Variants in PLEKHH1 observed in about 807,000 individuals in gnomAD.
PLEKHH1 encodes the protein pleckstrin homology, MyTH4 and FERM domain containing H1, also known as pleckstrin homology domain-containing family H member 1.
In PLEKHH1, 104 loss-of-function variants were observed where a neutral mutation model predicts 160.0. That is an observed-to-expected ratio of 0.65 (90% confidence interval 0.55 to 0.76). The LOEUF (loss-of-function observed/expected upper bound fraction) is 0.76. Among genes scored for constraint, PLEKHH1 ranks in the 30% least tolerant of loss-of-function variants. The pLI, the probability that PLEKHH1 is intolerant of heterozygous loss-of-function variation, is 0.00. For synonymous variants in PLEKHH1, 619 were observed against 678.4 expected (o/e 0.91, Z 1.36); for missense variants, 1,427 against 1,724.1 (o/e 0.83, Z 3.05).
intron 1 of PLEKHH1, among the ~76,000 whole-genome samples, chr14:67,536,474 T>C (rs904416826): frequency 1.3e-5 from 2 of 151,790 alleles, no homozygotes; most frequent in African/African-American, 4.9e-5. Context: ...TGAGGCAATA[T>C]GAGAGAGCCC....
intron 5 of PLEKHH1, among the ~76,000 whole-genome samples, chr14:67,560,079 T>C (rs527929183): frequency 5.0e-4 from 76 of 152,230 alleles, no homozygotes; most frequent in African/African-American, 1.7e-3. Context: ...CAGGCTGGAG[T>C]GTAGTGGCGC....
Position 67,582,652 on chromosome 14 carries a change from GAA to G in PLEKHH1, c.3426+449_3426+450del, listed in dbSNP as rs5809355. 1.3e-5 allele frequency among the ~76,000 whole-genome samples: 2 copies of G among 151,356 alleles called. No individual in the cohort carries two copies. Among genetic ancestry groups the G allele is most frequent in the Non-Finnish European group, 2.9e-5 (2 of 67,970 alleles). On this transcript the variant is annotated intron_variant, in intron 24 of 28. Transcript: ENST00000329153. This position sits in a 1 kb window ranked among gnomAD's most constrained non-coding sequence, Gnocchi z 5.0. ...TGACCAGTGAAACCCTGTCTCTACT[GAA>G]AAAAAATAAAATAAAATAAAATAAA... is the stretch of plus-strand genomic sequence containing the variant.
chr14:67,534,068 C>T (rs2033593838), intron 1 of PLEKHH1, among the ~76,000 whole-genome samples: 1 of 152,138 alleles, frequency 6.6e-6, no homozygotes, highest in South Asian at 2.1e-4. Flanking sequence ...TCTTCCAAGA[C>T]AGAGCCTTGG....
Position 67,562,708 on chromosome 14 carries a change from T to A in PLEKHH1, c.1077T>A (p.Ser359=). 6.2e-7 allele frequency: 1 copy of A among 1,613,050 alleles called. No homozygotes were observed. Among genetic ancestry groups the A allele is most frequent in the Non-Finnish European group, 8.5e-7 (1 of 1,179,554 alleles). ...AGGCCTTCTCAGCCCTCCACCCCTC[T>A]GGCCTTCCTGAGCTGGAGTCCCGAG... ...ETEAFSALHP[S]GLPELESRAR... Residue 359 remains serine, a synonymous_variant, in exon 7 of 29, where the codon TCT becomes TCA. Coordinates refer to ENST00000329153, the MANE Select transcript of PLEKHH1 (RefSeq NM_020715.3).
intron 9 of PLEKHH1, chr14:67,570,602 A>C (rs567360918): frequency 1.3e-5 from 2 of 153,098 alleles, no homozygotes; most frequent in African/African-American, 4.8e-5. Context: ...ATTTATAAAT[A>C]TGCAGCACAC....
At chr14:67,541,152 G>T (rs1378707034) in intron 1 of PLEKHH1, among the ~76,000 whole-genome samples, 1 of 152,150 alleles carries the variant, frequency 6.6e-6, no homozygotes, top group Non-Finnish European at 1.5e-5. Flanking sequence ...CTAAATAGAA[G>T]ATTGTCAAAG....
intron 7 of PLEKHH1, among the ~76,000 whole-genome samples, chr14:67,564,102 C>T (rs1459931550): frequency 6.6e-6 from 1 of 151,910 alleles, no homozygotes; most frequent in East Asian, 1.9e-4. Context: ...GGGGTTTCAC[C>T]ATGTTAGCCA....
intron 4 of PLEKHH1, among the ~76,000 whole-genome samples, chr14:67,559,253 C>T (rs957791019): frequency 3.3e-5 from 5 of 152,074 alleles, no homozygotes; most frequent in Admixed American, 1.3e-4. Context: ...AATAAAAAAA[C>T]GGCCAGAGGA....
Position 67,578,157 on chromosome 14 carries a change from GC to G in PLEKHH1, c.2710del (p.Gln904ArgfsTer123). On this transcript the variant is annotated frameshift_variant, in exon 19 of 29. Transcript: ENST00000329153. LOFTEE classifies it high-confidence loss of function. This position sits in a 1 kb window ranked among gnomAD's most constrained non-coding sequence, Gnocchi z 5.0. Reference protein sequence around the residue: ...QSEIYCQLMKQTSCRPPQKYS... With the variant: ...QSEIYCQLMKXTSCRPPQKYS... ...GTGAGATCTACTGCCAACTCATGAA[GC>G]AGACCAGCTGCCGCCCACCTCAGAA... The G allele has an allele frequency of 6.2e-7, 1 of 1,614,002 alleles. No homozygotes were observed.
At position 67,574,431 on chromosome 14, in the gene PLEKHH1, A is replaced by T; in HGVS notation, c.2088+28A>T. 15 of 1,474,072 alleles carry T rather than the reference A, an allele frequency of 1.0e-5. No individual in the cohort carries two copies. Among genetic ancestry groups the T allele is most frequent in the Non-Finnish European group, 1.4e-5 (15 of 1,107,506 alleles). The allele number at this position is 1,474,072 out of a possible 1,614,324, so 91.3% of individuals were successfully genotyped here. ...AGAGGGTGGGGCTGATAGGGCAGGA[A>T]CATGTGCCTCCTGCGAATCAGGGGA... On this transcript the variant is annotated intron_variant, in intron 14 of 28. Coordinates refer to ENST00000329153, the MANE Select transcript of PLEKHH1 (RefSeq NM_020715.3). This position sits in a 1 kb window ranked among gnomAD's most constrained non-coding sequence, Gnocchi z 4.2.
At chr14:67,586,912 C>G in intron 28 of PLEKHH1, 162 bp from the exon 29 acceptor site, 1 of 1,537,072 alleles carries the variant, frequency 6.5e-7, no homozygotes, top group Non-Finnish European at 8.7e-7. Flanking sequence ...GGCCTCTGAA[C>G]AGCACAGTTA....
At chr14:67,568,646 A>T (rs558216622) in intron 7 of PLEKHH1, among the ~76,000 whole-genome samples, 115 of 152,314 alleles carry the variant, frequency 7.6e-4, no homozygotes, top group Admixed American at 5.8e-3. Flanking sequence ...AGAATTTTTT[A>T]AAAATGTGCC....
chr14:67,576,062 C>T lies in PLEKHH1; in HGVS notation c.2352+57C>T, dbSNP rs2035612234. On this transcript the variant is annotated intron_variant, in intron 16 of 28. Transcript: ENST00000329153. The surrounding 1 kb of genome is among the most constrained non-coding windows in gnomAD (Gnocchi z 4.0). ...GCTTGGACCTGTGATTCTGATCTTC[C>T]CTTCTCTCTTTCTCCTGAGCTTCCC... 3.7e-6 allele frequency: 5 copies of T among 1,362,508 alleles called. No individual in the cohort carries two copies. Among genetic ancestry groups the T allele is most frequent in the East Asian group, 2.3e-5 (1 of 43,064 alleles). The allele number at this position is 1,362,508 out of a possible 1,614,324, so 84.4% of individuals were successfully genotyped here.
intron 1 of PLEKHH1, among the ~76,000 whole-genome samples, chr14:67,539,203 G>A (rs1328366865): frequency 6.6e-6 from 1 of 152,140 alleles, no homozygotes; most frequent in African/African-American, 2.4e-5. Context: ...GAAGCCTCCC[G>A]GCCTTCTCTG....
chr14:67,589,236 C>T lies in PLEKHH1; in HGVS notation c.*2001C>T. 1.8e-6 allele frequency: 1 copy of T among 544,884 alleles called. No individual in the cohort carries two copies. The highest frequency in any genetic ancestry group is 2.3e-6 in the Non-Finnish European group (1 of 427,352). The allele number at this position is 544,884 out of a possible 1,614,324, so 33.8% of individuals were successfully genotyped here. On this transcript the variant is annotated 3_prime_UTR_variant, in exon 29 of 29. Coordinates refer to ENST00000329153, the MANE Select transcript of PLEKHH1 (RefSeq NM_020715.3). ...GGGGTCAATCTATTTCCCCCACCCT[C>T]TCTCCTCCCCAACCCTTCAGGAACC...
chr14:67,585,568 C>A lies in PLEKHH1; in HGVS notation c.3700C>A (p.Pro1234Thr). Reference sequence around the variant, plus strand: ...TGATGGGTTGTTTCTGTTTCCCCAGCCTGCCCAGCTGTCTTCCAAGGAGAA... The same window carrying A: ...TGATGGGTTGTTTCTGTTTCCCCAGACTGCCCAGCTGTCTTCCAAGGAGAA... ...FFGAKLFAAQ[P>T]AQLSSKENAL... Residue 1234 changes from proline to threonine, a missense_variant and splice_region_variant, in exon 27 of 29, where the codon CCT (proline) becomes ACT (threonine). Pro to Thr is a conservative substitution (Grantham distance 38). Transcript: ENST00000329153. The A allele has an allele frequency of 6.4e-7, 1 of 1,574,222 alleles. No homozygotes were observed. Among genetic ancestry groups the A allele is most frequent in the South Asian group, 1.2e-5 (1 of 85,608 alleles).
chr14:67,578,345 A>T lies in PLEKHH1; in HGVS notation c.2751+146A>T. On this transcript the variant is annotated intron_variant, in intron 19 of 28. Coordinates refer to ENST00000329153, the MANE Select transcript of PLEKHH1 (RefSeq NM_020715.3). The surrounding 1 kb of genome is among the most constrained non-coding windows in gnomAD (Gnocchi z 5.0). ...GCTCCAAGCTGCATCAGTACGGCTG[A>T]GCTGTCTATGCACAGATGGGTGATT... 1.3e-6 allele frequency: 1 copy of T among 797,124 alleles called. No homozygotes were observed. The highest frequency in any genetic ancestry group is 2.1e-5 in the Admixed American group (1 of 47,876). The allele number at this position is 797,124 out of a possible 1,614,324, so 49.4% of individuals were successfully genotyped here.
intron 7 of PLEKHH1, 94 bp from the exon 8 acceptor site, chr14:67,569,044 C>A: frequency 1.2e-6 from 1 of 815,636 alleles, no homozygotes; most frequent in Non-Finnish European, 2.0e-6. Flanking sequence ...CAGGTCTGCC[C>A]ACCCCCAAAG....
Position 67,578,717 on chromosome 14 carries a change from C to A in PLEKHH1, c.2849+86C>A. 2.3e-6 allele frequency: 2 copies of A among 851,212 alleles called. No individual in the cohort carries two copies. The highest frequency in any genetic ancestry group is 1.4e-5 in the South Asian group (1 of 69,642). The allele number at this position is 851,212 out of a possible 1,614,324, so 52.7% of individuals were successfully genotyped here. ...AGGGATGAGAGGAGTCTAGGGCAGA[C>A]CAGATCACTCCTGTCCTCTGAAACC... is the stretch of plus-strand genomic sequence containing the variant. On this transcript the variant is annotated intron_variant, in intron 20 of 28. Transcript: ENST00000329153. This position sits in a 1 kb window ranked among gnomAD's most constrained non-coding sequence, Gnocchi z 5.0.
Sources: gnomAD v4.1 joint callset for allele counts (sites outside exome capture counted in the v4.1 genomes callset) on GRCh38, gnomAD v4.1.1 for gene constraint, Gnocchi (gnomAD v3.1) non-coding constraint, MANE v1.5 for transcripts, NCBI Gene and HGNC (gene_info 2026-07-23, HGNC 2026-07-21) for gene names.